The following ADARB2 variants were observed in gnomAD, a reference collection of about 807,000 sequenced individuals.
ADARB2 encodes the protein inactive double-stranded RNA-specific editase B2.
In ADARB2, 25 loss-of-function variants were observed where a neutral mutation model predicts 62.2. The ratio of observed to expected loss-of-function variants is 0.40; its 90% CI spans 0.29 to 0.56. The LOEUF (loss-of-function observed/expected upper bound fraction) is 0.56. Ranked by LOEUF, ADARB2 falls within the 20% of genes least tolerant of loss-of-function variation. The pLI, the probability that ADARB2 is intolerant of heterozygous loss-of-function variation, is 0.43. For missense variants in ADARB2, 1,071 were observed against 1,077.4 expected (o/e 0.99, Z 0.08); for synonymous variants, 572 against 500.8 (o/e 1.14, Z -1.90).
chr10:1,664,316 G>A lies in ADARB2; in HGVS notation c.100+72735C>T, dbSNP rs115445648. On this transcript the variant is annotated intron_variant, in intron 1 of 9. Transcript: ENST00000381312. ...CCTGTGTTTCCATGCCTGTGGGTCA[G>A]TATCAAGGTATGCACTTGCTGAATC... Among the ~76,000 whole-genome samples the A allele has an allele frequency of 3.4e-3, 519 of 152,262 alleles. 2 individuals carry two copies. Among genetic ancestry groups the A allele is most frequent in the African/African-American group, 0.011 (477 of 41,546 alleles).
At chr10:1,634,131 C>T (rs956768120) in intron 1 of ADARB2, among the ~76,000 whole-genome samples, 3 of 152,144 alleles carry the variant, frequency 2.0e-5, no homozygotes, top group Admixed American at 6.5e-5. Flanking sequence ...GGGTGTGTTT[C>T]CTCCTCCCTC....
At chr10:1,620,517 C>A (rs1429086056) in intron 1 of ADARB2, among the ~76,000 whole-genome samples, 1 of 147,314 alleles carries the variant, frequency 6.8e-6, no homozygotes, top group Non-Finnish European at 1.5e-5. Flanking sequence ...AAGGCCCAGG[C>A]CCAAATGGTG....
At chr10:1,234,525 C>CA (rs1033989552) in intron 5 of ADARB2, among the ~76,000 whole-genome samples, 1 of 152,020 alleles carries the variant, frequency 6.6e-6, no homozygotes, top group Non-Finnish European at 1.5e-5. Context: ...ACTGTAGCCT[C>CA]AGCTTCCTGG....
chr10:1,318,746 G>A (rs749298488), intron 3 of ADARB2, among the ~76,000 whole-genome samples: 3 of 152,250 alleles, frequency 2.0e-5, no homozygotes, highest in African/African-American at 7.2e-5. Flanking sequence ...AAGGAATATC[G>A]GGGAGTGTGG....
At position 1,671,164 on chromosome 10, in the gene ADARB2, G is replaced by A. The variant is rs2291872; in HGVS notation, c.100+65887C>T. On this transcript the variant is annotated intron_variant, in intron 1 of 9. Transcript: ENST00000381312. Reference sequence around the variant, plus strand: ...CCCGGTTACTTCTCCTCTTCCCAGGGACCCAGACGGGGAGAGGGTGCTGGG... The same window carrying A: ...CCCGGTTACTTCTCCTCTTCCCAGGAACCCAGACGGGGAGAGGGTGCTGGG... 1.5e-4 allele frequency among the ~76,000 whole-genome samples: 23 copies of A among 152,268 alleles called. No individual in the cohort carries two copies. In the East Asian group the frequency reaches 4.1e-3, roughly 27 times the overall value.
intron 3 of ADARB2, among the ~76,000 whole-genome samples, chr10:1,336,889 C>T (rs905800486): frequency 6.6e-6 from 1 of 152,030 alleles, no homozygotes; most frequent in Non-Finnish European, 1.5e-5. Flanking sequence ...GTGTGGTCTC[C>T]CCCTCTGCTC....
chr10:1,354,435 C>T (rs1588229282), intron 3 of ADARB2, among the ~76,000 whole-genome samples: 1 of 149,472 alleles, frequency 6.7e-6, no homozygotes, highest in Admixed American at 6.7e-5. Flanking sequence ...CTACCCAAAT[C>T]CTATAAAACG....
In ADARB2 at chr10:1,183,032, G is replaced by T; in HGVS notation, c.*161C>A. 1 of 819,460 alleles carries T rather than the reference G, an allele frequency of 1.2e-6. No homozygotes were observed. The highest frequency in any genetic ancestry group is 1.9e-6 in the Non-Finnish European group (1 of 534,008). 50.8% of individuals were successfully genotyped at this position (819,460 alleles called of 1,614,324 possible). On this transcript the variant is annotated 3_prime_UTR_variant, in exon 10 of 10. Transcript: ENST00000381312. ...AGCGATCTGGAAAGAGGCACGTTCT[G>T]AATTTGTGTTGTTGCTCGTCCAAAC...
intron 1 of ADARB2, among the ~76,000 whole-genome samples, chr10:1,403,391 G>A (rs577417370): frequency 3.5e-4 from 54 of 152,302 alleles, no homozygotes; most frequent in African/African-American, 1.2e-3. Flanking sequence ...CTCACACCCC[G>A]ATGCAGGAGC....
intron 1 of ADARB2, among the ~76,000 whole-genome samples, chr10:1,727,117 T>G (rs1270305243): frequency 6.6e-6 from 1 of 152,216 alleles, no homozygotes. Flanking sequence ...CAGGGCGCTT[T>G]GTAAATGTAC....
At chr10:1,565,607 A>G (rs1425768800) in intron 1 of ADARB2, among the ~76,000 whole-genome samples, 1 of 152,174 alleles carries the variant, frequency 6.6e-6, no homozygotes, top group Non-Finnish European at 1.5e-5. Context: ...CCACCCAGGA[A>G]AAGAGAGATT....
chr10:1,671,003 A>C (rs1206973349), intron 1 of ADARB2, among the ~76,000 whole-genome samples: 1 of 152,200 alleles, frequency 6.6e-6, no homozygotes, highest in Non-Finnish European at 1.5e-5. Context: ...CCTTTTCCTG[A>C]TTCTGATTTT....
intron 6 of ADARB2, among the ~76,000 whole-genome samples, chr10:1,233,416 A>G (rs1403501811): frequency 6.6e-6 from 1 of 152,206 alleles, no homozygotes; most frequent in Non-Finnish European, 1.5e-5. Flanking sequence ...TTCCCAGCCC[A>G]GGACACAGGG....
intron 8 of ADARB2, among the ~76,000 whole-genome samples, chr10:1,194,370 C>T (rs1187171043): frequency 6.6e-6 from 1 of 152,212 alleles, no homozygotes; most frequent in African/African-American, 2.4e-5. Flanking sequence ...GTGCCACTGC[C>T]ACTCCTGCTG....
At chr10:1,354,986 G>A (rs913627668) in intron 3 of ADARB2, among the ~76,000 whole-genome samples, 26 of 152,194 alleles carry the variant, frequency 1.7e-4, no homozygotes, top group Non-Finnish European at 3.1e-4. Context: ...GCCCCTGCAG[G>A]CAGGTGACCC....
At chr10:1,612,304 G>A (rs1376300802) in intron 1 of ADARB2, among the ~76,000 whole-genome samples, 1 of 152,260 alleles carries the variant, frequency 6.6e-6, no homozygotes, top group Non-Finnish European at 1.5e-5. Context: ...AACACGGGAA[G>A]CCAGGAGGAA....
intron 3 of ADARB2, among the ~76,000 whole-genome samples, chr10:1,319,748 G>T (rs1831778873): frequency 6.6e-6 from 1 of 152,278 alleles, no homozygotes; most frequent in South Asian, 2.1e-4. Flanking sequence ...ACCTACCTTA[G>T]CTTGTACTTA....
chr10:1,483,041 C>A (rs376554909), intron 1 of ADARB2, among the ~76,000 whole-genome samples: 1 of 152,052 alleles, frequency 6.6e-6, no homozygotes, highest in African/African-American at 2.4e-5. Flanking sequence ...TATTTCATTT[C>A]CTGTTTAGTT....
intron 3 of ADARB2, among the ~76,000 whole-genome samples, chr10:1,301,720 T>C (rs542081561): frequency 6.6e-6 from 1 of 152,202 alleles, no homozygotes; most frequent in Admixed American, 6.5e-5. Context: ...TTTCCTGTCA[T>C]TGAATTTTGT....
Sources: gnomAD v4.1 joint callset for allele counts (sites outside exome capture counted in the v4.1 genomes callset) on GRCh38, gnomAD v4.1.1 for gene constraint, MANE v1.5 for transcripts, NCBI Gene and HGNC (gene_info 2026-07-23, HGNC 2026-07-21) for gene names.